Variants in GALNT6 observed in about 807,000 individuals in gnomAD.
GALNT6 encodes polypeptide N-acetylgalactosaminyltransferase 6, also known as GalNAc transferase 6.
GALNT6 carries 51 observed loss-of-function variants against 65.9 expected under a neutral mutation model. The observed-to-expected ratio is 0.77, with a 90% CI of 0.62 to 0.98. GALNT6 has a LOEUF of 0.98. Among genes scored for constraint, GALNT6 ranks in the 50% least tolerant of loss-of-function variants. GALNT6 has a pLI of 0.00. For synonymous variants in GALNT6, 323 were observed against 315.1 expected, an observed-to-expected ratio of 1.02 and a Z score of -0.26; for missense variants, 708 against 803.3, an observed-to-expected ratio of 0.88 and a Z score of 1.43.
Position 51,379,773 on chromosome 12 carries a change from G to C in GALNT6, c.9C>G (p.Leu3=), listed in dbSNP as rs2278216. ...GCAGGGGCATGTGGCGTCTGCGGAGGAGCCTCATCCTCCAGAACCAAGGGG... is the reference window on the plus strand; with the variant it reads ...GCAGGGGCATGTGGCGTCTGCGGAGCAGCCTCATCCTCCAGAACCAAGGGG... MR[L]LRRRHMPLRL... Residue 3 remains leucine (L), a synonymous_variant, in exon 3 of 12, where the codon CTC becomes CTG. Transcript: ENST00000356317. The C allele has an allele frequency of 1.5e-5, 24 of 1,604,044 alleles. No individual in the cohort carries two copies. Among genetic ancestry groups the C allele is most frequent in the Non-Finnish European group, 2.0e-5 (23 of 1,178,142 alleles).
intron 4 of GALNT6, 130 bp from the exon 5 acceptor site, chr12:51,365,709 G>T: frequency 1.3e-6 from 1 of 797,532 alleles, no homozygotes; most frequent in Non-Finnish European, 1.9e-6. Flanking sequence ...CTGCTGTACT[G>T]AGCCATTCCA....
Position 51,377,365 on chromosome 12 carries a change from C to G in GALNT6, c.494G>C (p.Cys165Ser), listed in dbSNP as rs1445332803. ...GCAGCGCCGGAACTTCTGGTCCACA[C>G]ACCTGGAAGTATGAAAGTACGGACA... ...SLGPDTRPPE[C>S]VDQKFRRCPP... The change falls in exon 4 of 12, where the codon TGT (cysteine) becomes TCT (serine). Residue 165 changes from cysteine to serine, a missense_variant and splice_region_variant. Physicochemically the swap from Cys to Ser is moderately radical, Grantham distance 112 (BLOSUM62 -1). Transcript: ENST00000356317. 1 of 1,612,146 alleles carries G rather than the reference C, an allele frequency of 6.2e-7. No homozygotes were observed. Among genetic ancestry groups the G allele is most frequent in the East Asian group, 2.2e-5 (1 of 44,896 alleles).
chr12:51,358,017 G>C, intron 9 of GALNT6, 113 bp downstream of exon 9: 1 of 1,015,920 alleles, frequency 9.8e-7, no homozygotes, highest in Non-Finnish European at 1.5e-6. Flanking sequence ...GATAAAGGAG[G>C]GTGCAGGGCA....
At chr12:51,371,919 A>AT (rs1470047221) in intron 4 of GALNT6, among the ~76,000 whole-genome samples, 6 of 152,080 alleles carry the variant, frequency 3.9e-5, no homozygotes, top group Non-Finnish European at 5.9e-5. Flanking sequence ...CGTGTGGGAA[A>AT]TTTTATCCCA....
In GALNT6 at chr12:51,352,524, GTTT is replaced by G; in HGVS notation, c.*1852_*1854del. 1 of 152,074 alleles carries G rather than the reference GTTT, an allele frequency of 6.6e-6. No individual in the cohort carries two copies. The highest frequency in any genetic ancestry group is 1.9e-4 in the East Asian group (1 of 5,196). The allele number at this position is 152,074 out of a possible 1,614,324, so 9.4% of individuals were successfully genotyped here. ...CTCTCAATTTCACTCATGCTACTTT[GTTT>G]TTTTAATCTACCTTTTATATGGGGC... On this transcript the variant is annotated 3_prime_UTR_variant, in exon 12 of 12. Coordinates refer to ENST00000356317, the MANE Select transcript of GALNT6 (RefSeq NM_007210.4).
At chr12:51,377,481 C>T in intron 3 of GALNT6, 114 bp from the exon 4 acceptor site, 1 of 800,136 alleles carries the variant, frequency 1.2e-6, no homozygotes, top group Non-Finnish European at 2.1e-6. Flanking sequence ...GAACCACAGC[C>T]TACATTCTCT....
intron 11 of GALNT6, among the ~76,000 whole-genome samples, chr12:51,355,231 C>T (rs1946710427): frequency 6.6e-6 from 1 of 152,146 alleles, no homozygotes; most frequent in African/African-American, 2.4e-5. Context: ...GACTCTTCAC[C>T]TTCTTCTAAT....
intron 6 of GALNT6, among the ~76,000 whole-genome samples, chr12:51,361,754 A>G (rs1465483933): frequency 6.6e-6 from 1 of 152,028 alleles, no homozygotes; most frequent in Admixed American, 6.6e-5. Context: ...CCGGTGAGAC[A>G]TGGCAGGAGC....
chr12:51,367,154 G>A (rs992008488), intron 4 of GALNT6, among the ~76,000 whole-genome samples: 1 of 152,200 alleles, frequency 6.6e-6, no homozygotes, highest in South Asian at 2.1e-4. Context: ...CTACTCGGGA[G>A]GCTGAGGCAG....
chr12:51,368,906 C>T (rs1349941603), intron 4 of GALNT6, among the ~76,000 whole-genome samples: 2 of 152,204 alleles, frequency 1.3e-5, no homozygotes, highest in East Asian at 1.9e-4. Flanking sequence ...GCCCAGCACT[C>T]ACTCCACAAA....
At chr12:51,382,721 G>A (rs937811648) in intron 2 of GALNT6, among the ~76,000 whole-genome samples, 10 of 152,214 alleles carry the variant, frequency 6.6e-5, no homozygotes, top group African/African-American at 2.2e-4. Flanking sequence ...ATATGACAGC[G>A]GTGGAGGGTA....
At chr12:51,384,986 T>C (rs1947786006) in intron 2 of GALNT6, among the ~76,000 whole-genome samples, 1 of 152,206 alleles carries the variant, frequency 6.6e-6, no homozygotes, top group African/African-American at 2.4e-5. Context: ...TATTCGTTTT[T>C]TCTTTCTTTC....
At chr12:51,358,934 G>A (rs565325214) in intron 8 of GALNT6, among the ~76,000 whole-genome samples, 198 bp downstream of exon 8, 22 of 152,210 alleles carry the variant, frequency 1.4e-4, no homozygotes, top group African/African-American at 3.9e-4. Flanking sequence ...GACTCTATGC[G>A]TAGGGACAAC....
intron 2 of GALNT6, chr12:51,383,315 T>C (rs1170123363): frequency 6.6e-6 from 1 of 152,246 alleles, no homozygotes; most frequent in East Asian, 1.9e-4. Flanking sequence ...GTGTTTGCCA[T>C]GACAGCTTTG....
Position 51,364,346 on chromosome 12 carries a change from A to G in GALNT6, c.824T>C (p.Phe275Ser). Residue 275 changes from phenylalanine (F) to serine (S), a missense_variant, in exon 6 of 12, where the codon TTC (phenylalanine) becomes TCC (serine). Transcript: ENST00000356317. ...CAGGAGGGGCTCCAGCCAGCCGTGG[A>G]AGCACTCACCTGCAGGCCCCAACCA... is the stretch of plus-strand genomic sequence containing the variant. ...LTFLDAHCECFHGWLEPLLAR... is the reference protein window; with the variant it reads ...LTFLDAHCECSHGWLEPLLAR... 6.2e-7 allele frequency: 1 copy of G among 1,613,596 alleles called. No individual in the cohort carries two copies.
intron 4 of GALNT6, among the ~76,000 whole-genome samples, chr12:51,375,788 C>T (rs1010744207): frequency 1.3e-5 from 2 of 152,112 alleles, no homozygotes; most frequent in Non-Finnish European, 2.9e-5. Flanking sequence ...AACTCCTGAC[C>T]TTAAGCAATC....
intron 7 of GALNT6, chr12:51,360,141 C>G (rs1213413352): frequency 1.3e-5 from 2 of 152,130 alleles, no homozygotes; most frequent in Non-Finnish European, 2.9e-5. Flanking sequence ...GAGAGGCAAT[C>G]CTTGCTTCCT....
chr12:51,367,926 G>GGCAGAAGCACAAAGGGCAGCA (rs1289606557), intron 4 of GALNT6, among the ~76,000 whole-genome samples: 3 of 152,180 alleles, frequency 2.0e-5, no homozygotes, highest in Non-Finnish European at 2.9e-5. Context: ...AGCCCAGGGT[G>GGCAGAAGCACAAAGGGCAGCA]GCAGAAGCAC....
Position 51,358,242 on chromosome 12 carries a change from GA to G in GALNT6, c.1387del (p.Ser463ArgfsTer6). ...TTGTTCCCTCAGCTGCAGTCGTTCC[GA>G]AATGTCACCGAAGGATTTCTGTCAA... is the stretch of plus-strand genomic sequence containing the variant. Reference protein sequence around the residue: ...MAQEKSFGDISERLQLREQLH... With the variant: ...MAQEKSFGDIXERLQLREQLH... On this transcript the variant is annotated frameshift_variant, in exon 9 of 12. Coordinates refer to ENST00000356317, the MANE Select transcript of GALNT6 (RefSeq NM_007210.4). LOFTEE classifies it high-confidence loss of function. 1 of 1,613,618 alleles carries G rather than the reference GA, an allele frequency of 6.2e-7. No homozygotes were observed. Among genetic ancestry groups the G allele is most frequent in the South Asian group, 1.1e-5 (1 of 91,054 alleles).
Sources: gnomAD v4.1 joint callset for allele counts (sites outside exome capture counted in the v4.1 genomes callset) on GRCh38, gnomAD v4.1.1 for gene constraint, MANE v1.5 for transcripts, NCBI Gene and HGNC (gene_info 2026-07-23, HGNC 2026-07-21) for gene names.